The following RFX7 variants were observed in gnomAD, a reference collection of about 807,000 sequenced individuals.
The protein encoded by RFX7 is DNA-binding protein RFX7.
In RFX7, 26 loss-of-function variants were observed where a neutral mutation model predicts 111.8. That is an observed-to-expected ratio of 0.23 (90% CI 0.17 to 0.32). RFX7 has a LOEUF of 0.32. Ranked by LOEUF, RFX7 falls within the 10% of genes least tolerant of loss-of-function variation. The pLI, the probability that RFX7 is intolerant of heterozygous loss-of-function variation, is 1.00. For missense variants in RFX7, 1,573 were observed against 1,772.9 expected, an observed-to-expected ratio of 0.89 and a Z score of 2.02; for synonymous variants, 624 against 624.4, an observed-to-expected ratio of 1.00 and a Z score of 0.01.
chr15:56,215,534 A>G (rs1240507606), intron 2 of RFX7, among the ~76,000 whole-genome samples: 1 of 152,202 alleles, frequency 6.6e-6, no homozygotes, highest in African/African-American at 2.4e-5. Flanking sequence ...CCCTCCTGTA[A>G]CAGACTCAAG....
chr15:56,200,515 T>C (rs958014815), intron 2 of RFX7, among the ~76,000 whole-genome samples: 1 of 152,116 alleles, frequency 6.6e-6, no homozygotes, highest in Admixed American at 6.5e-5. Context: ...TATCTAATGT[T>C]ACATTAAGAA....
intron 2 of RFX7, among the ~76,000 whole-genome samples, chr15:56,222,256 C>T (rs1247999963): frequency 3.3e-5 from 5 of 152,138 alleles, no homozygotes; most frequent in South Asian, 2.1e-4. Context: ...ATGTATATCA[C>T]GTATCTTCCC....
intron 2 of RFX7, among the ~76,000 whole-genome samples, chr15:56,183,874 T>C (rs1415456812): frequency 6.6e-6 from 1 of 152,228 alleles, no homozygotes; most frequent in Non-Finnish European, 1.5e-5. Flanking sequence ...TCTGAATAAA[T>C]CTTTTGTTAG....
chr15:56,101,900 A>G (rs1438771872), intron 7 of RFX7, among the ~76,000 whole-genome samples: 1 of 152,222 alleles, frequency 6.6e-6, no homozygotes, highest in East Asian at 1.9e-4. Context: ...ATGATGACTG[A>G]CTTTTTCCTC....
chr15:56,127,784 G>A (rs966292240), intron 5 of RFX7, among the ~76,000 whole-genome samples: 1 of 151,752 alleles, frequency 6.6e-6, no homozygotes, highest in African/African-American at 2.4e-5. Context: ...CTGACCTCGT[G>A]ATCTGCCCGT....
chr15:56,103,501 T>C, intron 6 of RFX7, 53 bp downstream of exon 6: 2 of 1,160,260 alleles, frequency 1.7e-6, no homozygotes, highest in Non-Finnish European at 2.5e-6. Flanking sequence ...ATAGATGTTC[T>C]ATAACAAGTG....
chr15:56,242,282 T>C lies in RFX7; in HGVS notation c.161+843A>G, dbSNP rs370816367. 1.3e-5 allele frequency among the ~76,000 whole-genome samples: 2 copies of C among 152,312 alleles called. 1 individual carries two copies. On this transcript the variant is annotated intron_variant, in intron 2 of 9. Transcript: ENST00000559447. Reference sequence around the variant, plus strand: ...GTTAATGAAGCATCCTACAAAACAATGCAAGTTCATGTTCAAAGAATATTG... The same window carrying C: ...GTTAATGAAGCATCCTACAAAACAACGCAAGTTCATGTTCAAAGAATATTG...
chr15:56,148,631 T>C (rs191474652), intron 3 of RFX7, among the ~76,000 whole-genome samples: 1 of 152,178 alleles, frequency 6.6e-6, no homozygotes, highest in African/African-American at 2.4e-5. Flanking sequence ...ATTCTTTCTA[T>C]GAGGTGCAAG....
chr15:56,149,070 G>A (rs1201610988), intron 3 of RFX7, among the ~76,000 whole-genome samples: 32 of 142,884 alleles, frequency 2.2e-4, no homozygotes, highest in Admixed American at 5.0e-4. Flanking sequence ...GCGACAGAGC[G>A]AGACTCCGTC....
intron 5 of RFX7, among the ~76,000 whole-genome samples, chr15:56,110,053 C>G (rs1195837232): frequency 8.3e-6 from 1 of 120,106 alleles, no homozygotes; most frequent in Non-Finnish European, 1.8e-5. Context: ...AATGAGGAGC[C>G]CCTCTGCCCA....
At chr15:56,096,708 T>C in intron 9 of RFX7, 88 bp from the exon 10 acceptor site, 3 of 1,362,454 alleles carry the variant, frequency 2.2e-6, no homozygotes, top group Non-Finnish European at 2.9e-6. Context: ...AAGTCATTTA[T>C]TAAATGTTAA....
chr15:56,126,738 G>C (rs939106513), intron 5 of RFX7, among the ~76,000 whole-genome samples: 3 of 152,086 alleles, frequency 2.0e-5, no homozygotes, highest in African/African-American at 7.2e-5. Context: ...TACAGTAACT[G>C]AAAAAGAACT....
Position 56,094,780 on chromosome 15 carries a change from C to A in RFX7, c.2948G>T (p.Arg983Met). 1 of 1,609,104 alleles carries A rather than the reference C, an allele frequency of 6.2e-7. No homozygotes were observed. The highest frequency in any genetic ancestry group is 2.2e-5 in the East Asian group (1 of 44,766). The change falls in exon 10 of 10, where the codon AGG (arginine) becomes ATG (methionine). Residue 983 changes from arginine to methionine, a missense_variant. Physicochemically the swap from Arg to Met is moderately conservative, Grantham distance 91. Transcript: ENST00000559447. ...ATCCACAGGTGTAGTCTGGGCTAGC[C>A]TGGAGCAAGGGCTCTCCCGTGACAG... ...QSLSRESPCSRLAQTTPVDSA... is the reference protein window; with the variant it reads ...QSLSRESPCSMLAQTTPVDSA...
intron 2 of RFX7, among the ~76,000 whole-genome samples, chr15:56,231,092 G>C: frequency 6.6e-6 from 1 of 152,336 alleles, no homozygotes; most frequent in East Asian, 1.9e-4. Flanking sequence ...CAAACAGTGA[G>C]ATGCCTGAGG....
chr15:56,222,539 T>C (rs1222960347), intron 2 of RFX7, among the ~76,000 whole-genome samples: 1 of 152,216 alleles, frequency 6.6e-6, no homozygotes, highest in Non-Finnish European at 1.5e-5. Context: ...TTTCCTCTCC[T>C]TTTTTCTCTC....
chr15:56,130,828 A>G (rs2042202099), intron 5 of RFX7, among the ~76,000 whole-genome samples: 1 of 152,164 alleles, frequency 6.6e-6, no homozygotes, highest in Admixed American at 6.5e-5. Context: ...AAAGCATATA[A>G]GAAGATACAA....
intron 2 of RFX7, among the ~76,000 whole-genome samples, chr15:56,209,417 C>T (rs932419007): frequency 2.0e-5 from 3 of 151,760 alleles, no homozygotes; most frequent in Admixed American, 1.3e-4. Context: ...CTTGCAAGAA[C>T]TGTAAAAGGA....
intron 5 of RFX7, among the ~76,000 whole-genome samples, chr15:56,123,745 C>G (rs543009234): frequency 6.6e-6 from 1 of 152,210 alleles, no homozygotes; most frequent in Non-Finnish European, 1.5e-5. Context: ...CAGTTTCCAA[C>G]CACTGGGATG....
At chr15:56,159,157 T>C (rs750790631) in intron 3 of RFX7, among the ~76,000 whole-genome samples, 44 of 152,246 alleles carry the variant, frequency 2.9e-4, no homozygotes, top group Admixed American at 5.9e-4. Flanking sequence ...GTCCATGTTG[T>C]TGTAAATAAC....
Sources: allele counts gnomAD v4.1 joint callset (sites outside exome capture counted in the v4.1 genomes callset), GRCh38; gene constraint gnomAD v4.1.1; transcripts MANE v1.5; gene names NCBI Gene and HGNC (gene_info 2026-07-23, HGNC 2026-07-21).